The following WNK4 variants were observed in gnomAD, a reference collection of about 807,000 sequenced individuals.
The protein encoded by WNK4 is WNK lysine deficient protein kinase 4, also known as serine/threonine-protein kinase WNK4.
WNK4 carries 94 observed loss-of-function variants against 116.2 expected under a neutral mutation model. The ratio of observed to expected loss-of-function variants is 0.81; its 90% CI spans 0.68 to 0.96. The LOEUF is 0.96. Ranked by LOEUF, WNK4 falls within the 40% of genes least tolerant of loss-of-function variation. The pLI is 0.00. For synonymous variants in WNK4, 655 were observed against 672.7 expected (o/e 0.97, Z 0.41); for missense variants, 1,542 against 1,650.6 (o/e 0.93, Z 1.14).
rs1053502358 is a variant in WNK4 at position 42,782,586 on chromosome 17, C to T, written c.619-172C>T. On this transcript the variant is annotated intron_variant, in intron 1 of 18. Coordinates refer to ENST00000246914, the MANE Select transcript of WNK4 (RefSeq NM_032387.5). This position sits in a 1 kb window ranked among gnomAD's most constrained non-coding sequence, Gnocchi z 4.2. ...GTGTGTCCTTGGATCAGCTTACGTG[C>T]GGGACTGTTGGAGAGTTCAGGGTCT... Among the ~76,000 whole-genome samples, 1 of 152,216 alleles carries T rather than the reference C, an allele frequency of 6.6e-6. No individual in the cohort carries two copies.
At chr17:42,783,813 G>A in intron 2 of WNK4, 124 bp from the exon 3 acceptor site, 2 of 917,682 alleles carry the variant, frequency 2.2e-6, no homozygotes, top group Non-Finnish European at 3.4e-6. Flanking sequence ...CATAGGCTAG[G>A]AGAATGCTGG....
Position 42,784,624 on chromosome 17 carries a change from T to G in WNK4, c.1170+45T>G. The stretch of plus-strand genomic sequence containing the variant: ...CGGGAAAGGCAATTCCAGGGCCACT[T>G]CCCCTTTTCCTGCGCCGGCCAGCCC... On this transcript the variant is annotated intron_variant, in intron 4 of 18. Coordinates refer to ENST00000246914, the MANE Select transcript of WNK4 (RefSeq NM_032387.5). The surrounding 1 kb of genome is among the most constrained non-coding windows in gnomAD (Gnocchi z 4.4). 6.2e-7 allele frequency: 1 copy of G among 1,611,292 alleles called. No homozygotes were observed. Among genetic ancestry groups the G allele is most frequent in the Admixed American group, 1.7e-5 (1 of 59,814 alleles).
chr17:42,784,661 C>T lies in WNK4; in HGVS notation c.1170+82C>T. 6.4e-7 allele frequency: 1 copy of T among 1,563,654 alleles called. No homozygotes were observed. The highest frequency in any genetic ancestry group is 8.7e-7 in the Non-Finnish European group (1 of 1,148,226). On this transcript the variant is annotated intron_variant, in intron 4 of 18. Transcript: ENST00000246914. The surrounding 1 kb of genome is among the most constrained non-coding windows in gnomAD (Gnocchi z 4.4). ...GCGCCGGCCAGCCCGCAGTCAATGC[C>T]CTTTGCCTGCACGAAAACAGGCTAG... is the stretch of plus-strand genomic sequence containing the variant.
At chr17:42,787,039 TA>T (rs1187074955) in intron 6 of WNK4, among the ~76,000 whole-genome samples, 4 of 152,234 alleles carry the variant, frequency 2.6e-5, no homozygotes, top group African/African-American at 9.7e-5. Context: ...ACTTACTGTA[TA>T]ACTATGAACC....
chr17:42,793,915 C>T (rs1054152272), intron 12 of WNK4, 186 bp downstream of exon 12: 14 of 678,840 alleles, frequency 2.1e-5, no homozygotes, highest in East Asian at 1.4e-4. Context: ...TGCAGTGGCA[C>T]GATCTCGGCT....
rs1400030469 is a variant in WNK4 at position 42,795,688 on chromosome 17, T to G, written c.3086T>G (p.Leu1029Arg). The change falls in exon 16 of 19, where the codon CTT becomes CGT. Residue 1029 changes from leucine to arginine, a missense_variant. Physicochemically the swap from Leu to Arg is moderately radical, Grantham distance 102 (BLOSUM62 -2). Around this residue, in one of 7 missense-constraint regions of WNK4, gnomAD observed 292 missense variants for 290.1 expected, o/e 1.01. Coordinates refer to ENST00000246914, the MANE Select transcript of WNK4 (RefSeq NM_032387.5). ...TCATCCAAGGAACCGGCTGAGCCTC[T>G]TCCCTTGCAGCCAACATCCCCCACT... ...VTSSKEPAEP[L>R]PLQPTSPTLS... The G allele has an allele frequency of 8.1e-6, 13 of 1,613,192 alleles. No homozygotes were observed. Among genetic ancestry groups the G allele is most frequent in the Non-Finnish European group, 1.1e-5 (13 of 1,180,040 alleles).
Position 42,782,960 on chromosome 17 carries a change from A to C in WNK4, c.791+30A>C. ...GCTCTGCGCATGAGTGGGTGGGGAGAGGGAGGCTGGGATGTGTGCCCACTG... is the reference window on the plus strand; with the variant it reads ...GCTCTGCGCATGAGTGGGTGGGGAGCGGGAGGCTGGGATGTGTGCCCACTG... On this transcript the variant is annotated intron_variant, in intron 2 of 18. Coordinates refer to ENST00000246914, the MANE Select transcript of WNK4 (RefSeq NM_032387.5). The surrounding 1 kb of genome is among the most constrained non-coding windows in gnomAD (Gnocchi z 4.2). 6.2e-7 allele frequency: 1 copy of C among 1,611,290 alleles called. No homozygotes were observed. The highest frequency in any genetic ancestry group is 8.5e-7 in the Non-Finnish European group (1 of 1,178,884).
At chr17:42,788,539 G>A (rs761073894) in intron 10 of WNK4, 132 bp downstream of exon 10, 3 of 1,190,504 alleles carry the variant, frequency 2.5e-6, no homozygotes, top group East Asian at 2.3e-5. Flanking sequence ...GGCCAGTCTG[G>A]TTTCTAATAC....
rs1425018412 is a variant in WNK4 at position 42,795,916 on chromosome 17, A to G, written c.3314A>G (p.His1105Arg). Residue 1105 changes from histidine to arginine, a missense_variant, in exon 16 of 19, where the codon CAT becomes CGT. By Grantham distance (29) the His-to-Arg change is conservative (BLOSUM62 0). This residue lies in a region of WNK4 where 292 missense variants were observed against 290.1 expected (regional missense o/e 1.01). Coordinates refer to ENST00000246914, the MANE Select transcript of WNK4 (RefSeq NM_032387.5). ...QVGGSPQPLS[H>R]PSPVWMNYSY... The stretch of plus-strand genomic sequence containing the variant: ...GGGGGCAGCCCCCAACCCCTGAGCC[A>G]TCCCAGCCCAGTGTGGATGAACTAC... 1.2e-6 allele frequency: 2 copies of G among 1,611,628 alleles called. No individual in the cohort carries two copies. The highest frequency in any genetic ancestry group is 2.2e-5 in the East Asian group (1 of 44,808).
Position 42,787,885 on chromosome 17 carries a change from C to T in WNK4, c.1849C>T (p.Leu617Phe). The change falls in exon 8 of 19, where the codon CTC becomes TTC. Residue 617 changes from leucine (L) to phenylalanine (F), a missense_variant. Leu to Phe is a conservative substitution (Grantham distance 22). Transcript: ENST00000246914. Reference sequence around the variant, plus strand: ...GCCATCCAGCCTGGCTGAGTCCCATCTCTGCCTGCCCTCGGTGAGAGGGGG... The same window carrying T: ...GCCATCCAGCCTGGCTGAGTCCCATTTCTGCCTGCCCTCGGTGAGAGGGGG... ...GVPSSLAESH[L>F]CLPSAFALSI... 9 of 1,610,632 alleles carry T rather than the reference C, an allele frequency of 5.6e-6. No homozygotes were observed. The highest frequency in any genetic ancestry group is 7.6e-6 in the Non-Finnish European group (9 of 1,180,018).
At position 42,781,286 on chromosome 17, in the gene WNK4, C is replaced by T. The variant is rs774643738; in HGVS notation, c.588C>T (p.Thr196=). 10 of 1,614,060 alleles carry T rather than the reference C, an allele frequency of 6.2e-6. No homozygotes were observed. Among genetic ancestry groups the T allele is most frequent in the Non-Finnish European group, 8.5e-6 (10 of 1,180,038 alleles). ...KTVYRGLDTD[T]TVEVAWCELQ... ...TGTATCGAGGGCTAGACACCGACAC[C>T]ACAGTGGAGGTGGCCTGGTGTGAGC... The change falls in exon 1 of 19, where the codon ACC becomes ACT. Residue 196 remains threonine (T), a synonymous_variant. Transcript: ENST00000246914.
At position 42,795,901 on chromosome 17, in the gene WNK4, C is replaced by G; in HGVS notation, c.3299C>G (p.Pro1100Arg). 6.2e-7 allele frequency: 1 copy of G among 1,611,666 alleles called. No homozygotes were observed. The highest frequency in any genetic ancestry group is 1.1e-5 in the South Asian group (1 of 91,036). The change falls in exon 16 of 19, where the codon CCC (proline) becomes CGC (arginine). Residue 1100 changes from proline (P) to arginine (R), a missense_variant. Transcript: ENST00000246914. ...AAGGAACCCCAAGTTGGGGGCAGCC[C>G]CCAACCCCTGAGCCATCCCAGCCCA... Reference protein sequence around the residue: ...DGKEPQVGGSPQPLSHPSPVW... With the variant: ...DGKEPQVGGSRQPLSHPSPVW...
At chr17:42,788,442 AC>A (rs1384975753) in intron 10 of WNK4, 35 bp downstream of exon 10, 2 of 1,598,320 alleles carry the variant, frequency 1.3e-6, no homozygotes, top group African/African-American at 2.7e-5. Flanking sequence ...AGAGTAACCT[AC>A]AGGGCCAGGA....
intron 12 of WNK4, 52 bp from the exon 13 acceptor site, chr17:42,794,562 A>G (rs2054640764): frequency 6.2e-7 from 1 of 1,605,038 alleles, no homozygotes; most frequent in Non-Finnish European, 8.5e-7. Flanking sequence ...GACACCTTCC[A>G]TCTCAGACTG....
Position 42,782,582 on chromosome 17 carries a change from C to T in WNK4, c.619-176C>T, listed in dbSNP as rs904884710. 3.9e-5 allele frequency among the ~76,000 whole-genome samples: 6 copies of T among 152,334 alleles called. No homozygotes were observed. The highest frequency in any genetic ancestry group is 3.9e-4 in the Admixed American group (6 of 15,300). On this transcript the variant is annotated intron_variant, in intron 1 of 18. Coordinates refer to ENST00000246914, the MANE Select transcript of WNK4 (RefSeq NM_032387.5). This position sits in a 1 kb window ranked among gnomAD's most constrained non-coding sequence, Gnocchi z 4.2. ...TTGGGTGTGTCCTTGGATCAGCTTA[C>T]GTGCGGGACTGTTGGAGAGTTCAGG...
rs775462857 is a variant in WNK4, at chr17:42,787,712, G to A, written c.1742-66G>A. On this transcript the variant is annotated intron_variant, in intron 7 of 18. Transcript: ENST00000246914. The stretch of plus-strand genomic sequence containing the variant: ...CTCCAGGCCCCTCCTTGCTTAGGCA[G>A]GCCCCATCCTCTGCCACTATTCCCT... 1.5e-3 allele frequency: 2,443 copies of A among 1,603,682 alleles called. 3 individuals are homozygous for A. The highest frequency in any genetic ancestry group is 1.9e-3 in the Non-Finnish European group (2,268 of 1,179,264).
Position 42,787,837 on chromosome 17 carries a change from G to T in WNK4, c.1801G>T (p.Ala601Ser), listed in dbSNP as rs55781437. Residue 601 changes from alanine to serine, a missense_variant, in exon 8 of 19, where the codon GCC (alanine) becomes TCC (serine). Around this residue, in one of 7 missense-constraint regions of WNK4, gnomAD observed 808 missense variants for 873.6 expected, o/e 0.92. Coordinates refer to ENST00000246914, the MANE Select transcript of WNK4 (RefSeq NM_032387.5). Reference sequence around the variant, plus strand: ...CGGCTTCCTGGATGCCTCAGACCCTGCCCTTCAGCCCCCTGGGGGGGTGCC... The same window carrying T: ...CGGCTTCCTGGATGCCTCAGACCCTTCCCTTCAGCCCCCTGGGGGGGTGCC... ...SSGFLDASDPALQPPGGVPSS... is the reference protein window; with the variant it reads ...SSGFLDASDPSLQPPGGVPSS... 33,979 of 1,612,216 alleles carry T rather than the reference G, an allele frequency of 0.021. 2,901 individuals carry two copies. The African/African-American group carries it at 0.23, about 11-fold the overall frequency.
Position 42,788,680 on chromosome 17 carries a change from G to T in WNK4, c.2041-1G>T. ...CCCCTCTGCTGACTTTGAATCTGAA[G>T]GTCTCAGACCAGAATGACAGAGTGG... On this transcript the variant is annotated splice_acceptor_variant, in intron 10 of 18. Coordinates refer to ENST00000246914, the MANE Select transcript of WNK4 (RefSeq NM_032387.5). LOFTEE classifies it high-confidence loss of function. 6.2e-7 allele frequency: 1 copy of T among 1,612,668 alleles called. No homozygotes were observed. Among genetic ancestry groups the T allele is most frequent in the Non-Finnish European group, 8.5e-7 (1 of 1,178,676 alleles).
Position 42,788,773 on chromosome 17 carries a change from C to T in WNK4, c.2133C>T (p.Ser711=), listed in dbSNP as rs1325753211. The change falls in exon 11 of 19, where the codon AGC becomes AGT. Residue 711 remains serine, a synonymous_variant. Transcript: ENST00000246914. ...TCCGATTTGATCTGGATGGGGACAG[C>T]CCGGAAGAGATTGCAGCTGCCATGG... ...VTFRFDLDGD[S]PEEIAAAMVY... 2 of 1,614,004 alleles carry T rather than the reference C, an allele frequency of 1.2e-6. No individual in the cohort carries two copies. The highest frequency in any genetic ancestry group is 8.5e-7 in the Non-Finnish European group (1 of 1,179,940).
Sources: gnomAD v4.1 joint callset for allele counts (sites outside exome capture counted in the v4.1 genomes callset) on GRCh38, gnomAD v4.1.1 for gene constraint, gnomAD v4.1.1 regional missense constraint, Gnocchi (gnomAD v3.1) non-coding constraint, MANE v1.5 for transcripts, NCBI Gene and HGNC (gene_info 2026-07-23, HGNC 2026-07-21) for gene names.